Variants in NAA10 observed in about 807,000 individuals in gnomAD.
NAA10 encodes the protein N-alpha-acetyltransferase 10.
In NAA10, 6 loss-of-function variants were observed where a neutral mutation model predicts 19.2. The ratio of observed to expected loss-of-function variants is 0.31; its 90% CI spans 0.17 to 0.62. The LOEUF is 0.62. Ranked by LOEUF, NAA10 falls within the 20% of genes least tolerant of loss-of-function variation. NAA10 has a pLI of 0.83. For missense variants in NAA10, 101 were observed against 198.4 expected (o/e 0.51, Z 2.95); for synonymous variants, 97 against 79.9 (o/e 1.21, Z -1.14).
rs1557107546 is a variant in NAA10, at chrX:153,932,411, C to T, written c.246G>A (p.Arg82=). The T allele has an allele frequency of 6.6e-6, 8 of 1,211,519 alleles. No homozygotes were observed. Among genetic ancestry groups the T allele is most frequent in the Non-Finnish European group, 8.9e-6 (8 of 895,188 alleles). The change falls in exon 5 of 8, where the codon CGG becomes CGA. Residue 82 remains arginine, a synonymous_variant. Coordinates refer to ENST00000464845, the MANE Select transcript of NAA10 (RefSeq NM_003491.4). The stretch of plus-strand genomic sequence containing the variant: ...TCAGTTTCTGAGCCAGACCGAGGCG[C>T]CGGTGGGAACGCTTCACAGCCTGGT... The part of the protein sequence containing the change: ...ITSLAVKRSH[R]RLGLAQKLMD...
intron 3 of NAA10, chrX:153,932,986 G>A: frequency 4.6e-6 from 1 of 215,476 alleles, no homozygotes; most frequent in Non-Finnish European, 8.6e-6. Context: ...CTGGGAGGTT[G>A]AGGCTGCAGT....
chrX:153,929,677 C>T lies in NAA10; in HGVS notation c.*310G>A. ...TGAGCCTGAGCAGCCCCGGCTTGTG[C>T]CACAAAACACATTCAGCGTGGCCAA... is the stretch of plus-strand genomic sequence containing the variant. On this transcript the variant is annotated 3_prime_UTR_variant, in exon 8 of 8. Coordinates refer to ENST00000464845, the MANE Select transcript of NAA10 (RefSeq NM_003491.4). The T allele has an allele frequency of 2.8e-6, 1 of 354,120 alleles. No homozygotes were observed. The allele number at this position is 354,120 out of a possible 1,213,427, so 29.2% of individuals were successfully genotyped here.
In NAA10 at chrX:153,929,752, C is replaced by A; in HGVS notation, c.*235G>T. On this transcript the variant is annotated 3_prime_UTR_variant, in exon 8 of 8. Transcript: ENST00000464845. ...CCCATAAGTCCAGGGCCTCCTTCCC[C>A]GGGGCCACAGCTGCTGAAGGTCATG... The A allele has an allele frequency of 2.3e-6, 1 of 429,526 alleles. No individual in the cohort carries two copies. The highest frequency in any genetic ancestry group is 3.8e-5 in the East Asian group (1 of 26,061). 35.4% of individuals were successfully genotyped at this position (429,526 alleles called of 1,213,427 possible).
chrX:153,933,240 G>A (rs138762297), intron 3 of NAA10, among the ~76,000 whole-genome samples: 2,348 of 112,250 alleles, frequency 0.021, 36 homozygotes, highest in Non-Finnish European at 0.031. Context: ...GGGTTAAGGA[G>A]AGGGAGGGAT....
intron 2 of NAA10, 62 bp from the exon 3 acceptor site, chrX:153,934,063 G>C: frequency 2.9e-6 from 3 of 1,051,832 alleles, no homozygotes; most frequent in Non-Finnish European, 4.0e-6. Context: ...CCTTTAGAGG[G>C]ACACAAACTG....
chrX:153,929,909 TCA>T lies in NAA10; in HGVS notation c.*76_*77del. On this transcript the variant is annotated 3_prime_UTR_variant, in exon 8 of 8. Coordinates refer to ENST00000464845, the MANE Select transcript of NAA10 (RefSeq NM_003491.4). ...ACACACCCTCTAAATGTGCGCGCGC[TCA>T]CACACAAAGTTCCCCAGTGCCACGG... The T allele has an allele frequency of 1.2e-6, 1 of 851,004 alleles. No individual in the cohort carries two copies. Among genetic ancestry groups the T allele is most frequent in the Non-Finnish European group, 1.8e-6 (1 of 569,743 alleles). 70.1% of individuals were successfully genotyped at this position (851,004 alleles called of 1,213,427 possible). A position where few individuals can be genotyped will look rare whatever the true frequency, so the allele number is the denominator to read the frequency against.
intron 2 of NAA10, 51 bp from the exon 3 acceptor site, chrX:153,934,052 C>T (rs1557107859): frequency 1.8e-6 from 2 of 1,100,453 alleles, no homozygotes; most frequent in South Asian, 3.7e-5. Flanking sequence ...GCTAGAAGAG[C>T]CCTTTAGAGG....
At chrX:153,930,465 C>T (rs782718027) in intron 7 of NAA10, 9 of 453,040 alleles carry the variant, frequency 2.0e-5, no homozygotes, top group African/African-American at 1.7e-4. Flanking sequence ...CCCTGCCACC[C>T]GATGAGCCTT....
Position 153,932,588 on chromosome X carries a change from G to C in NAA10, c.180-4C>G. 1 of 1,202,380 alleles carries C rather than the reference G, an allele frequency of 8.3e-7. No individual in the cohort carries two copies. The highest frequency in any genetic ancestry group is 1.1e-6 in the Non-Finnish European group (1 of 889,690). On this transcript the variant is annotated splice_region_variant and splice_polypyrimidine_tract_variant and intron_variant, in intron 3 of 7. Coordinates refer to ENST00000464845, the MANE Select transcript of NAA10 (RefSeq NM_003491.4). Reference sequence around the variant, plus strand: ...CACATCATCTGGGTCCTCTTCCCTGGAGAGGGAGAAAGGAGAGGCTGCAAA... The same window carrying C: ...CACATCATCTGGGTCCTCTTCCCTGCAGAGGGAGAAAGGAGAGGCTGCAAA...
rs868934139 is a variant in NAA10, at chrX:153,932,315, C to T, written c.341+1G>A. 1 of 1,205,218 alleles carries T rather than the reference C, an allele frequency of 8.3e-7. No homozygotes were observed. Among genetic ancestry groups the T allele is most frequent in the Non-Finnish European group, 1.1e-6 (1 of 889,995 alleles). ...CCCCCTTCCCTCAGCCCGGCTTCCA[C>T]CTCTTCCTGACATGCAGGGAGACAT... On this transcript the variant is annotated splice_donor_variant, in intron 5 of 7. Coordinates refer to ENST00000464845, the MANE Select transcript of NAA10 (RefSeq NM_003491.4). LOFTEE classifies it high-confidence loss of function.
At chrX:153,933,778 G>A (rs374571757) in intron 3 of NAA10, 165 bp downstream of exon 3, 2 of 455,635 alleles carry the variant, frequency 4.4e-6, no homozygotes. Context: ...AAGCTGGCAG[G>A]GAGGGGATGC....
intron 6 of NAA10, chrX:153,931,202 A>C: frequency 3.2e-6 from 3 of 939,883 alleles, no homozygotes; most frequent in Non-Finnish European, 4.0e-6. Context: ...AACCCAGGAA[A>C]GACGGTGAGC....
At chrX:153,934,770 A>G (rs1342482564) in intron 1 of NAA10, 114 bp downstream of exon 1, 2 of 840,080 alleles carry the variant, frequency 2.4e-6, no homozygotes, top group East Asian at 8.1e-5. Context: ...CAGCGGCCGC[A>G]GGCACACTCA....
rs2065187277 is a variant in NAA10 at position 153,934,718 on chromosome X, G to A, written c.21+166C>T. 11 of 651,304 alleles carry A rather than the reference G, an allele frequency of 1.7e-5. No homozygotes were observed. The East Asian group carries it at 4.1e-4, about 24-fold the overall frequency. The allele number at this position is 651,304 out of a possible 1,213,427, so 53.7% of individuals were successfully genotyped here. ...AGGAGGGAATCGCAGCCCCGGCCCC[G>A]CGCCCCGGCCTCTTCGGCGGGCTGG... On this transcript the variant is annotated intron_variant, in intron 1 of 7. Transcript: ENST00000464845.
In NAA10 at chrX:153,930,276, TC is replaced by T. The variant is rs1289806628; in HGVS notation, c.472-54del. 3 of 1,097,716 alleles carry T rather than the reference TC, an allele frequency of 2.7e-6. No homozygotes were observed. The African/African-American group carries it at 5.5e-5, about 20-fold the overall frequency. The allele number at this position is 1,097,716 out of a possible 1,213,427, so 90.5% of individuals were successfully genotyped here. The stretch of plus-strand genomic sequence containing the variant: ...GGGGCAAAGAGACAGGGCCTAAGTT[TC>T]CAGACAAAGGGAGCCTGGCCCTGTC... On this transcript the variant is annotated intron_variant, in intron 7 of 7. Transcript: ENST00000464845.
At chrX:153,931,327 G>T (rs2065165361) in intron 6 of NAA10, 1 of 855,533 alleles carries the variant, frequency 1.2e-6, no homozygotes, top group Non-Finnish European at 1.4e-6. Flanking sequence ...GCCCTGCCAG[G>T]CCTAAGACAT....
intron 1 of NAA10, 148 bp downstream of exon 1, chrX:153,934,736 C>A (rs781851408): frequency 4.7e-5 from 33 of 708,936 alleles, no homozygotes; most frequent in African/African-American, 3.3e-4. Flanking sequence ...GCCTCTTCGG[C>A]GGGCTGGGCC....
At chrX:153,933,794 G>C in intron 3 of NAA10, 149 bp downstream of exon 3, 1 of 489,396 alleles carries the variant, frequency 2.0e-6, no homozygotes, top group Non-Finnish European at 3.5e-6. Context: ...GATGCTGAGG[G>C]GTGCTATAAG....
At position 153,930,080 on chromosome X, in the gene NAA10, A is replaced by G; in HGVS notation, c.615T>C (p.Ser205=). 1 of 1,210,150 alleles carries G rather than the reference A, an allele frequency of 8.3e-7. No individual in the cohort carries two copies. Among genetic ancestry groups the G allele is most frequent in the Non-Finnish European group, 1.1e-6 (1 of 894,991 alleles). ...REEKGLAAED[S]GGDSKDLSEV... ...CGCTGAGGTCCTTGCTGTCCCCACC[A>G]CTATCCTCGGCAGCCAGGCCCTTCT... Residue 205 remains serine, a synonymous_variant, in exon 8 of 8, where the codon AGT becomes AGC. Coordinates refer to ENST00000464845, the MANE Select transcript of NAA10 (RefSeq NM_003491.4).
Sources: allele counts gnomAD v4.1 joint callset (sites outside exome capture counted in the v4.1 genomes callset), GRCh38; gene constraint gnomAD v4.1.1; transcripts MANE v1.5; gene names NCBI Gene and HGNC (gene_info 2026-07-23, HGNC 2026-07-21).